Variants in CD3G observed in about 807,000 individuals in gnomAD.
CD3G encodes CD3 gamma subunit of T-cell receptor complex.
A neutral mutation model predicts 28.3 loss-of-function variants in CD3G; 24 were observed. The ratio of observed to expected loss-of-function variants is 0.85; its 90% CI spans 0.61 to 1.19. The LOEUF (loss-of-function observed/expected upper bound fraction) is 1.19. Ranked by LOEUF, CD3G falls within the 50% of genes most tolerant of loss-of-function variation. CD3G has a pLI of 0.00. For missense variants in CD3G, 211 were observed against 210.0 expected (o/e 1.00, Z -0.03); for synonymous variants, 71 against 75.9 (o/e 0.93, Z 0.34).
intron 2 of CD3G, 123 bp downstream of exon 2, chr11:118,349,173 T>G: frequency 5.6e-6 from 9 of 1,607,004 alleles, no homozygotes; most frequent in Non-Finnish European, 7.6e-6. Context: ...GATAGAGAGG[T>G]GATGTCTCTA....
At position 118,353,524 on chromosome 11, in the gene CD3G, CTT is replaced by C. The variant is rs35577555; in HGVS notation, c.*449_*450del. The stretch of plus-strand genomic sequence containing the variant: ...CCTCTTCAGAGACAAATTAGTTTCT[CTT>C]TTTTTTTTTTTTTTTTTTTTTTTTG... On this transcript the variant is annotated 3_prime_UTR_variant, in exon 7 of 7. Transcript: ENST00000532917. 1,424 of 80,624 alleles carry C rather than the reference CTT, an allele frequency of 0.018. 5 individuals are homozygous for C. Among genetic ancestry groups the C allele is most frequent in the Middle Eastern group, 0.04 (5 of 126 alleles). The allele number at this position is 80,624 out of a possible 1,614,324, so 5.0% of individuals were successfully genotyped here. A position where few individuals can be genotyped will look rare whatever the true frequency, so the allele number is the denominator to read the frequency against.
intron 3 of CD3G, 174 bp downstream of exon 3, chr11:118,350,144 T>C (rs1948393083): frequency 3.1e-6 from 2 of 641,264 alleles, no homozygotes; most frequent in Non-Finnish European, 5.5e-6. Flanking sequence ...CCTCACCCTA[T>C]TGAAAAACTA....
chr11:118,350,992 T>A, intron 4 of CD3G: 1 of 577,944 alleles, frequency 1.7e-6, no homozygotes, highest in Non-Finnish European at 2.5e-6. Flanking sequence ...ATCGAGACCA[T>A]CCTGGCTAGC....
chr11:118,349,547 G>A (rs558890841), intron 2 of CD3G, 196 bp from the exon 3 acceptor site: 25 of 642,170 alleles, frequency 3.9e-5, no homozygotes, highest in Admixed American at 1.6e-4. Context: ...GGCGTCACCC[G>A]AGAGCATGTT....
chr11:118,352,503 C>G lies in CD3G; in HGVS notation c.*18+16C>G. On this transcript the variant is annotated intron_variant, in intron 6 of 6. Coordinates refer to ENST00000532917, the MANE Select transcript of CD3G (RefSeq NM_000073.3). Reference sequence around the variant, plus strand: ...CTCAGAGTAGGTGGGTTCTTCAATGCCAATTCTAATAAAGGACCCTTGCAT... The same window carrying G: ...CTCAGAGTAGGTGGGTTCTTCAATGGCAATTCTAATAAAGGACCCTTGCAT... 1 of 1,541,436 alleles carries G rather than the reference C, an allele frequency of 6.5e-7. No homozygotes were observed. The highest frequency in any genetic ancestry group is 2.2e-5 in the East Asian group (1 of 44,514).
intron 1 of CD3G, 116 bp from the exon 2 acceptor site, chr11:118,348,911 A>G (rs563763584): frequency 2.0e-5 from 24 of 1,183,818 alleles, no homozygotes; most frequent in Middle Eastern, 3.8e-4. Context: ...AGATACTACC[A>G]TTTTCATGGA....
rs1948410884 is a variant in CD3G, at chr11:118,351,646, T to C, written c.458T>C (p.Leu153Pro). 1.2e-6 allele frequency: 2 copies of C among 1,613,960 alleles called. No homozygotes were observed. Among genetic ancestry groups the C allele is most frequent in the Non-Finnish European group, 1.7e-6 (2 of 1,179,964 alleles). ...TGTGCAGCTTCAGACAAGCAGACTC[T>C]GTTGCCCAATGACCAGCTCTACCAG... is the stretch of plus-strand genomic sequence containing the variant. ...RQSRASDKQT[L>P]LPNDQLYQPL... The change falls in exon 5 of 7, where the codon CTG becomes CCG. Residue 153 changes from leucine to proline, a missense_variant. Physicochemically the swap from Leu to Pro is moderately conservative, Grantham distance 98 (BLOSUM62 -3). Coordinates refer to ENST00000532917, the MANE Select transcript of CD3G (RefSeq NM_000073.3).
chr11:118,349,533 T>C, intron 2 of CD3G: 1 of 630,124 alleles, frequency 1.6e-6, no homozygotes, highest in Admixed American at 2.9e-5. Context: ...CTGACGCAGA[T>C]ATTGGCGTCA....
chr11:118,352,371 A>T lies in CD3G; in HGVS notation c.484-33A>T, dbSNP rs199671747. 170 of 1,589,462 alleles carry T rather than the reference A, an allele frequency of 1.1e-4. No homozygotes were observed. In the African/African-American group the frequency reaches 2.0e-3, roughly 18 times the overall value. On this transcript the variant is annotated intron_variant, in intron 5 of 6. Coordinates refer to ENST00000532917, the MANE Select transcript of CD3G (RefSeq NM_000073.3). ...ATCAAATTAATTAATAGAGGATGGA[A>T]AAAATGACTTATGACTGTGCTGTCC... is the stretch of plus-strand genomic sequence containing the variant.
rs939137305 is a variant in CD3G, at chr11:118,354,258, C to A, written c.*1158C>A. 3 of 151,778 alleles carry A rather than the reference C, an allele frequency of 2.0e-5. No individual in the cohort carries two copies. Among genetic ancestry groups the A allele is most frequent in the African/African-American group, 7.3e-5 (3 of 41,314 alleles). The allele number at this position is 151,778 out of a possible 1,614,324, so 9.4% of individuals were successfully genotyped here. On this transcript the variant is annotated 3_prime_UTR_variant, in exon 7 of 7. Coordinates refer to ENST00000532917, the MANE Select transcript of CD3G (RefSeq NM_000073.3). ...CTAATTGTACAGCCATTACCATAAT[C>A]CAGCTTTAGGACATTTTCTTTTTTT...
At chr11:118,345,570 G>C (rs975066419) in intron 1 of CD3G, among the ~76,000 whole-genome samples, 4 of 152,150 alleles carry the variant, frequency 2.6e-5, no homozygotes, top group Admixed American at 6.5e-5. Context: ...GGAGGAAGTA[G>C]AGTCTAAGAA....
intron 1 of CD3G, 126 bp downstream of exon 1, chr11:118,344,604 G>A: frequency 2.5e-6 from 2 of 816,312 alleles, no homozygotes; most frequent in Non-Finnish European, 2.1e-6. Flanking sequence ...AGAGTTCAAA[G>A]AAGGGCAAAA....
intron 4 of CD3G, among the ~76,000 whole-genome samples, chr11:118,351,259 C>CA (rs57466900): frequency 4.0e-4 from 59 of 147,444 alleles, no homozygotes; most frequent in African/African-American, 8.0e-4. Context: ...GCATACAGCT[C>CA]AAAAAAAAAA....
chr11:118,350,859 T>C, intron 4 of CD3G, 176 bp downstream of exon 4: 1 of 1,327,192 alleles, frequency 7.5e-7, no homozygotes, highest in South Asian at 1.5e-5. Context: ...CACAGCATGT[T>C]CACCTGTCTC....
intron 1 of CD3G, among the ~76,000 whole-genome samples, chr11:118,345,923 G>A (rs374845242): frequency 6.6e-6 from 1 of 152,210 alleles, no homozygotes; most frequent in Non-Finnish European, 1.5e-5. Flanking sequence ...GTTTAGAATA[G>A]AATTATTTCT....
chr11:118,349,949 C>A lies in CD3G; in HGVS notation c.286C>A (p.Pro96Thr), dbSNP rs1189275041. The A allele has an allele frequency of 6.2e-7, 1 of 1,613,704 alleles. No individual in the cohort carries two copies. The change falls in exon 3 of 7, where the codon CCA becomes ACA. Residue 96 changes from proline (P) to threonine (T), a missense_variant. Transcript: ENST00000532917. Reference protein sequence around the residue: ...QCKGSQNKSKPLQVYYRMCQN... With the variant: ...QCKGSQNKSKTLQVYYRMCQN... ...TAAAGGATCACAGAACAAGTCAAAA[C>A]CACTCCAAGTGTATTACAGAAGTAT...
chr11:118,349,620 C>A, intron 2 of CD3G, 123 bp from the exon 3 acceptor site: 1 of 802,084 alleles, frequency 1.2e-6, no homozygotes. Context: ...AACAAGATCC[C>A]CATGTGATTC....
chr11:118,351,578 A>G lies in CD3G; in HGVS notation c.440-50A>G, dbSNP rs755447531. On this transcript the variant is annotated intron_variant, in intron 4 of 6. Coordinates refer to ENST00000532917, the MANE Select transcript of CD3G (RefSeq NM_000073.3). ...GTATTCCATTTTGTGAATATAACCC[A>G]ATTTATTATGCATTCTACCTTGTGT... The G allele has an allele frequency of 1.9e-6, 3 of 1,588,110 alleles. No individual in the cohort carries two copies. The South Asian group carries it at 3.3e-5, about 18-fold the overall frequency.
At chr11:118,348,881 C>A in intron 1 of CD3G, 146 bp from the exon 2 acceptor site, 1 of 891,474 alleles carries the variant, frequency 1.1e-6, no homozygotes, top group Non-Finnish European at 1.9e-6. Flanking sequence ...ATTTAGTCTA[C>A]AATCCGGAAA....
Sources: gnomAD v4.1 joint callset for allele counts (sites outside exome capture counted in the v4.1 genomes callset) on GRCh38, gnomAD v4.1.1 for gene constraint, MANE v1.5 for transcripts, NCBI Gene and HGNC (gene_info 2026-07-23, HGNC 2026-07-21) for gene names.